The following TMEM255B variants were observed in gnomAD, a reference collection of about 807,000 sequenced individuals.
The protein encoded by TMEM255B is family with sequence similarity 70, member B.
Under a neutral mutation model 34.5 loss-of-function variants are expected in TMEM255B, and 35 were observed. The ratio of observed to expected loss-of-function variants is 1.01; its 90% CI spans 0.77 to 1.34. TMEM255B has a LOEUF of 1.34. Among genes scored for constraint, TMEM255B ranks in the 40% most tolerant of loss-of-function variants. The pLI is 0.00. For missense variants in TMEM255B, 432 were observed against 433.2 expected, an observed-to-expected ratio of 1.00 and a Z score of 0.02; for synonymous variants, 206 against 201.2, an observed-to-expected ratio of 1.02 and a Z score of -0.20.
intron 3 of TMEM255B, among the ~76,000 whole-genome samples, chr13:113,781,772 A>G (rs2050669161): frequency 1.3e-5 from 2 of 152,204 alleles, no homozygotes; most frequent in Non-Finnish European, 2.9e-5. Context: ...TCTTGCATAA[A>G]TTCCCTTGTA....
intron 3 of TMEM255B, 67 bp from the exon 4 acceptor site, chr13:113,795,081 A>C (rs2050896599): frequency 2.0e-6 from 3 of 1,466,918 alleles, no homozygotes; most frequent in Non-Finnish European, 2.8e-6. Flanking sequence ...TGGGACTTTG[A>C]ATTGGTTTGC....
intron 8 of TMEM255B, among the ~76,000 whole-genome samples, chr13:113,808,225 C>G (rs912371395): frequency 6.6e-6 from 1 of 152,106 alleles, no homozygotes; most frequent in African/African-American, 2.4e-5. Flanking sequence ...GGAACAGTGA[C>G]TTGGTGGGGG....
intron 5 of TMEM255B, among the ~76,000 whole-genome samples, chr13:113,800,301 CTGTGTGTGTGTGTGTG>C (rs1220505809): frequency 8.2e-5 from 8 of 97,100 alleles, no homozygotes; most frequent in East Asian, 7.8e-4. Flanking sequence ...GAGGCGTCCT[CTGTGTGTGTGTGTGTG>C]TGTGTGTGTG....
At chr13:113,787,167 T>C (rs1482515497) in intron 3 of TMEM255B, among the ~76,000 whole-genome samples, 1 of 152,238 alleles carries the variant, frequency 6.6e-6, no homozygotes, top group Non-Finnish European at 1.5e-5. Context: ...GCAAACCTGC[T>C]AGCTCCACAG....
At chr13:113,765,931 G>T (rs963341237) in intron 1 of TMEM255B, among the ~76,000 whole-genome samples, 184 bp from the exon 2 acceptor site, 5 of 152,234 alleles carry the variant, frequency 3.3e-5, no homozygotes, top group Non-Finnish European at 7.3e-5. Context: ...GTGGCTTATG[G>T]TCCAGAGATT....
rs895388966 is a variant in TMEM255B, at chr13:113,813,440, G to A, written c.*1537G>A. 6.6e-6 allele frequency: 1 copy of A among 152,282 alleles called. No homozygotes were observed. Among genetic ancestry groups the A allele is most frequent in the Admixed American group, 6.5e-5 (1 of 15,282 alleles). The allele number at this position is 152,282 out of a possible 1,614,324, so 9.4% of individuals were successfully genotyped here. ...GTGCCCACCTGGGAGGTGGAGCGGGGACTTTCTCCCCTGCCCAGTCCTGGA... is the reference window on the plus strand; with the variant it reads ...GTGCCCACCTGGGAGGTGGAGCGGGAACTTTCTCCCCTGCCCAGTCCTGGA... On this transcript the variant is annotated 3_prime_UTR_variant, in exon 9 of 9. Transcript: ENST00000375353.
At chr13:113,763,115 A>G (rs1285200657) in intron 1 of TMEM255B, among the ~76,000 whole-genome samples, 1 of 152,224 alleles carries the variant, frequency 6.6e-6, no homozygotes, top group South Asian at 2.1e-4. Flanking sequence ...CAGGTGTTAC[A>G]TGGAGGCTGG....
rs1240683517 is a variant in TMEM255B at position 113,815,813 on chromosome 13, G to A, written c.*3910G>A. On this transcript the variant is annotated 3_prime_UTR_variant, in exon 9 of 9. Coordinates refer to ENST00000375353, the MANE Select transcript of TMEM255B (RefSeq NM_182614.4). ...CTCACCCAGCCACAGAGAGGGAGAG[G>A]ACGTGGCCCATCCACACGCGGGTCA... The A allele has an allele frequency of 6.5e-6, 1 of 153,660 alleles. No homozygotes were observed. Among genetic ancestry groups the A allele is most frequent in the African/African-American group, 2.4e-5 (1 of 41,348 alleles). 9.5% of individuals were successfully genotyped at this position (153,660 alleles called of 1,614,324 possible). A position where few individuals can be genotyped will look rare whatever the true frequency, so the allele number is the denominator to read the frequency against.
intron 8 of TMEM255B, among the ~76,000 whole-genome samples, chr13:113,809,128 C>T: frequency 1.2e-5 from 1 of 84,486 alleles, no homozygotes. Flanking sequence ...CTCTGTGGTT[C>T]CTGGGGGGAG....
At position 113,769,462 on chromosome 13, in the gene TMEM255B, T is replaced by G. The variant is rs1162712192; in HGVS notation, c.252+302T>G. 2 of 366,092 alleles carry G rather than the reference T, an allele frequency of 5.5e-6. No individual in the cohort carries two copies. Among genetic ancestry groups the G allele is most frequent in the African/African-American group, 4.1e-5 (2 of 49,376 alleles). 22.7% of individuals were successfully genotyped at this position (366,092 alleles called of 1,614,324 possible). The stretch of plus-strand genomic sequence containing the variant: ...GAATGCATGAAGTTTGGGACGGGGG[T>G]GGCAAATTAAATTAAGTCCTAGTGT... On this transcript the variant is annotated intron_variant, in intron 3 of 8. Coordinates refer to ENST00000375353, the MANE Select transcript of TMEM255B (RefSeq NM_182614.4). The surrounding 1 kb of genome is among the most constrained non-coding windows in gnomAD (Gnocchi z 4.2).
At chr13:113,766,927 T>C (rs1174972791) in intron 2 of TMEM255B, among the ~76,000 whole-genome samples, 1 of 152,220 alleles carries the variant, frequency 6.6e-6, no homozygotes, top group African/African-American at 2.4e-5. Context: ...TTTTGAACTA[T>C]GAAATTACAT....
At chr13:113,773,296 C>T (rs1255063924) in intron 3 of TMEM255B, among the ~76,000 whole-genome samples, 1 of 152,208 alleles carries the variant, frequency 6.6e-6, no homozygotes, top group Non-Finnish European at 1.5e-5. Flanking sequence ...ATCTGCAACC[C>T]TGTGGAACTC....
At position 113,770,419 on chromosome 13, in the gene TMEM255B, C is replaced by T. The variant is rs534802547; in HGVS notation, c.252+1259C>T. 4.4e-4 allele frequency among the ~76,000 whole-genome samples: 67 copies of T among 152,260 alleles called. No individual in the cohort carries two copies. The highest frequency in any genetic ancestry group is 7.8e-4 in the Admixed American group (12 of 15,308). On this transcript the variant is annotated intron_variant, in intron 3 of 8. Transcript: ENST00000375353. The surrounding 1 kb of genome is among the most constrained non-coding windows in gnomAD (Gnocchi z 4.6). ...AGGACACAGCCAAACCATATCACCC[C>T]GCATGGGACCCAGCAAACTCCCACT...
At chr13:113,795,261 A>G in intron 4 of TMEM255B, 24 bp downstream of exon 4, 5 of 1,605,386 alleles carry the variant, frequency 3.1e-6, no homozygotes, top group Non-Finnish European at 4.3e-6. Context: ...CATTGTGTGC[A>G]CAGTCGCTTT....
intron 3 of TMEM255B, among the ~76,000 whole-genome samples, chr13:113,792,973 G>A (rs1027056844): frequency 1.3e-5 from 2 of 152,258 alleles, no homozygotes; most frequent in South Asian, 4.1e-4. Flanking sequence ...TGGAGCGTCC[G>A]TGACACTCAT....
chr13:113,784,537 G>GGAA (rs375842735), intron 3 of TMEM255B, among the ~76,000 whole-genome samples: 3 of 151,690 alleles, frequency 2.0e-5, no homozygotes, highest in East Asian at 3.9e-4. Context: ...GATATGAAGA[G>GGAA]GAAGAAGAAG....
At position 113,798,640 on chromosome 13, in the gene TMEM255B, T is replaced by G. The variant is rs556440258; in HGVS notation, c.343-699T>G. Among the ~76,000 whole-genome samples, 18 of 149,068 alleles carry G rather than the reference T, an allele frequency of 1.2e-4. 1 individual carries two copies. Among genetic ancestry groups the G allele is most frequent in the Admixed American group, 1.1e-3 (16 of 15,022 alleles). Reference sequence around the variant, plus strand: ...GATGGATGACAGATGGGTGGATGGATGGATGTGGATGAATGGAAGGATGGA... The same window carrying G: ...GATGGATGACAGATGGGTGGATGGAGGGATGTGGATGAATGGAAGGATGGA... On this transcript the variant is annotated intron_variant, in intron 4 of 8. Coordinates refer to ENST00000375353, the MANE Select transcript of TMEM255B (RefSeq NM_182614.4).
chr13:113,763,003 A>T (rs1196217653), intron 1 of TMEM255B, among the ~76,000 whole-genome samples: 1 of 152,242 alleles, frequency 6.6e-6, no homozygotes, highest in Non-Finnish European at 1.5e-5. Flanking sequence ...CTTAAAATAC[A>T]TTTAAACAGT....
At position 113,811,895 on chromosome 13, in the gene TMEM255B, G is replaced by A. The variant is rs774027393; in HGVS notation, c.973G>A (p.Ala325Thr). 17 of 1,608,066 alleles carry A rather than the reference G, an allele frequency of 1.1e-5. No homozygotes were observed. Among genetic ancestry groups the A allele is most frequent in the Admixed American group, 1.7e-5 (1 of 58,762 alleles). ...FPPGEKPPPY[A>T]P ...CCCGGGGGAGAAGCCACCCCCCTACGCACCCTGATAGAGGCGTGGAGTAAA... is the reference window on the plus strand; with the variant it reads ...CCCGGGGGAGAAGCCACCCCCCTACACACCCTGATAGAGGCGTGGAGTAAA... Residue 325 changes from alanine to threonine, a missense_variant, in exon 9 of 9, where the codon GCA becomes ACA. Ala to Thr is a moderately conservative substitution (Grantham distance 58). Coordinates refer to ENST00000375353, the MANE Select transcript of TMEM255B (RefSeq NM_182614.4).
Sources: gnomAD v4.1 joint callset for allele counts (sites outside exome capture counted in the v4.1 genomes callset) on GRCh38, gnomAD v4.1.1 for gene constraint, Gnocchi (gnomAD v3.1) non-coding constraint, MANE v1.5 for transcripts, NCBI Gene and HGNC (gene_info 2026-07-23, HGNC 2026-07-21) for gene names.